Variants in DIP2C observed in about 807,000 individuals in gnomAD.
DIP2C encodes DIP2 acetate--CoA ligase C (putative), also known as disco-interacting protein 2 homolog C.
A neutral mutation model predicts 192.4 loss-of-function variants in DIP2C; 33 were observed. That is an observed-to-expected ratio of 0.17 (90% CI 0.13 to 0.23). The LOEUF (loss-of-function observed/expected upper bound fraction) is 0.23, where lower values mean the gene tolerates loss of function less well. DIP2C is among the 10% of genes least tolerant of loss of function. DIP2C has a pLI of 1.00. For synonymous variants in DIP2C, 979 were observed against 864.1 expected (o/e 1.13, Z -2.33); for missense variants, 1,537 against 2,110.1 (o/e 0.73, Z 5.32).
rs1325491447 is a variant in DIP2C, at chr10:363,368, C to T, written c.2478-57G>A. 8 of 1,491,318 alleles carry T rather than the reference C, an allele frequency of 5.4e-6. No homozygotes were observed. In the South Asian group the frequency reaches 9.2e-5, roughly 17 times the overall value. The allele number at this position is 1,491,318 out of a possible 1,614,324, so 92.4% of individuals were successfully genotyped here. A position where few individuals can be genotyped will look rare whatever the true frequency, so the allele number is the denominator to read the frequency against. On this transcript the variant is annotated intron_variant, in intron 20 of 36. Transcript: ENST00000280886. This position sits in a 1 kb window ranked among gnomAD's most constrained non-coding sequence, Gnocchi z 5.4. The stretch of plus-strand genomic sequence containing the variant: ...GCCGGGGACGCTCATGCAGCCCTCC[C>T]TCCGCCATCAGGGGCTCCATAACCA...
chr10:538,617 T>A (rs1847823094), intron 1 of DIP2C, among the ~76,000 whole-genome samples: 1 of 152,212 alleles, frequency 6.6e-6, no homozygotes, highest in South Asian at 2.1e-4. Flanking sequence ...GTTGTCAGCC[T>A]CTGGGTTTCA....
chr10:572,081 C>CT (rs1314233546), intron 1 of DIP2C, among the ~76,000 whole-genome samples: 7 of 152,246 alleles, frequency 4.6e-5, no homozygotes, highest in African/African-American at 9.6e-5. Flanking sequence ...GGAGACCCTT[C>CT]TCGGGATTGA....
intron 1 of DIP2C, among the ~76,000 whole-genome samples, chr10:503,802 C>A (rs1362746388): frequency 2.6e-5 from 4 of 152,176 alleles, no homozygotes; most frequent in African/African-American, 9.7e-5. Flanking sequence ...CCTCCTTTGT[C>A]CCCTATGGTT....
chr10:561,411 T>G (rs534220341), intron 1 of DIP2C, among the ~76,000 whole-genome samples: 2 of 152,254 alleles, frequency 1.3e-5, no homozygotes, highest in South Asian at 4.2e-4. Context: ...CTCTCCCATG[T>G]CCCAAGGCCT....
rs1040266786 is a variant in DIP2C, at chr10:288,287, A to G, written c.4044+77T>C. 3.5e-5 allele frequency: 48 copies of G among 1,355,600 alleles called. No individual in the cohort carries two copies. The African/African-American group carries it at 5.7e-4, about 16-fold the overall frequency. The allele number at this position is 1,355,600 out of a possible 1,614,324, so 84.0% of individuals were successfully genotyped here. A position where few individuals can be genotyped will look rare whatever the true frequency, so the allele number is the denominator to read the frequency against. On this transcript the variant is annotated intron_variant, in intron 33 of 36. Coordinates refer to ENST00000280886, the MANE Select transcript of DIP2C (RefSeq NM_014974.3). ...TTGGAAAAAACATTCTAAAAAATAC[A>G]TTTCCTAAAATTTCAAAGCCCATAC...
At chr10:304,418 C>T (rs536749526) in intron 32 of DIP2C, among the ~76,000 whole-genome samples, 44 of 152,248 alleles carry the variant, frequency 2.9e-4, no homozygotes, top group African/African-American at 7.0e-4. Context: ...AGCAAAGGGA[C>T]ACGAGCTCCA....
At chr10:422,657 A>G (rs902544432) in intron 5 of DIP2C, among the ~76,000 whole-genome samples, 167 bp downstream of exon 5, 2 of 152,212 alleles carry the variant, frequency 1.3e-5, no homozygotes, top group Non-Finnish European at 2.9e-5. Context: ...GGGCATGAGA[A>G]GTGTAAAGCA....
At chr10:470,781 C>A (rs1489144944) in intron 3 of DIP2C, among the ~76,000 whole-genome samples, 2 of 152,194 alleles carry the variant, frequency 1.3e-5, no homozygotes, top group Non-Finnish European at 2.9e-5. Flanking sequence ...CGAGGAGCGA[C>A]CCCGTGTGAT....
chr10:545,719 T>A (rs1310854430), intron 1 of DIP2C, among the ~76,000 whole-genome samples: 1 of 152,342 alleles, frequency 6.6e-6, no homozygotes, highest in East Asian at 1.9e-4. Flanking sequence ...CAGTATCGAC[T>A]CTTACACTGG....
intron 17 of DIP2C, among the ~76,000 whole-genome samples, chr10:374,336 A>C (rs2132822070): frequency 6.6e-6 from 1 of 152,334 alleles, no homozygotes; most frequent in South Asian, 2.1e-4. Flanking sequence ...CATACTTTGC[A>C]TTCCCACTAA....
At chr10:544,277 T>C (rs1257205598) in intron 1 of DIP2C, among the ~76,000 whole-genome samples, 2 of 152,272 alleles carry the variant, frequency 1.3e-5, no homozygotes, top group African/African-American at 2.4e-5. Flanking sequence ...ACATGTTCTT[T>C]TGTTCCTTTT....
chr10:488,666 T>C (rs905680772), intron 1 of DIP2C, among the ~76,000 whole-genome samples: 3 of 152,234 alleles, frequency 2.0e-5, no homozygotes, highest in South Asian at 2.1e-4. Flanking sequence ...AACGGGACTC[T>C]ACTTCCTGCT....
At chr10:561,098 G>T (rs1485347641) in intron 1 of DIP2C, among the ~76,000 whole-genome samples, 1 of 152,126 alleles carries the variant, frequency 6.6e-6, no homozygotes, top group Non-Finnish European at 1.5e-5. Flanking sequence ...TTTGATTGAT[G>T]TCTCATGTCT....
Position 476,416 on chromosome 10 carries a change from C to T in DIP2C, c.158-3867G>A, listed in dbSNP as rs1205629811. On this transcript the variant is annotated intron_variant, in intron 2 of 36. Coordinates refer to ENST00000280886, the MANE Select transcript of DIP2C (RefSeq NM_014974.3). ...TGTGAACTTTCCTAGGCTCAGCCTC[C>T]TGCCTCTGGACAGAAGCAGCAGTAG... 3.9e-5 allele frequency among the ~76,000 whole-genome samples: 6 copies of T among 152,332 alleles called. No individual in the cohort carries two copies. In the East Asian group the frequency reaches 1.2e-3, roughly 29 times the overall value.
At chr10:605,333 A>G (rs528302571) in intron 1 of DIP2C, among the ~76,000 whole-genome samples, 1 of 152,354 alleles carries the variant, frequency 6.6e-6, no homozygotes, top group South Asian at 2.1e-4. Context: ...TCTCAATTTC[A>G]TACAGATTCC....
rs374710722 is a variant in DIP2C at position 363,315 on chromosome 10, C to G, written c.2478-4G>C. The stretch of plus-strand genomic sequence containing the variant: ...GGTCACCGAGAACACGGCTATCCTG[C>G]GGGGACACAGGAGCATGGTGAGCAC... On this transcript the variant is annotated splice_region_variant and splice_polypyrimidine_tract_variant and intron_variant, in intron 20 of 36. Coordinates refer to ENST00000280886, the MANE Select transcript of DIP2C (RefSeq NM_014974.3). This position sits in a 1 kb window ranked among gnomAD's most constrained non-coding sequence, Gnocchi z 5.4. The G allele has an allele frequency of 2.2e-5, 35 of 1,609,778 alleles. No homozygotes were observed. Among genetic ancestry groups the G allele is most frequent in the Non-Finnish European group, 2.9e-5 (34 of 1,179,636 alleles).
At position 652,919 on chromosome 10, in the gene DIP2C, C is replaced by T. The variant is rs1040951834; in HGVS notation, c.85+36575G>A. Among the ~76,000 whole-genome samples, 12 of 152,010 alleles carry T rather than the reference C, an allele frequency of 7.9e-5. No individual in the cohort carries two copies. Among genetic ancestry groups the T allele is most frequent in the African/African-American group, 2.4e-4 (10 of 41,362 alleles). ...CCTTCCTCCCCGCCCACAGCTACCT[C>T]GCAGCAGCCACACACTGAGCCATAA... On this transcript the variant is annotated intron_variant, in intron 1 of 36. Coordinates refer to ENST00000280886, the MANE Select transcript of DIP2C (RefSeq NM_014974.3). The surrounding 1 kb of genome is among the most constrained non-coding windows in gnomAD (Gnocchi z 4.5).
rs946486870 is a variant in DIP2C, at chr10:510,235, C to T, written c.86-23705G>A. 2.6e-5 allele frequency among the ~76,000 whole-genome samples: 4 copies of T among 152,174 alleles called. No individual in the cohort carries two copies. The South Asian group carries it at 6.2e-4, about 24-fold the overall frequency. On this transcript the variant is annotated intron_variant, in intron 1 of 36. Transcript: ENST00000280886. ...ATCTATGTGGGGCAGTTGTTAGCCC[C>T]AGTTTAGAGATGAGGAAAATGCTGC...
intron 1 of DIP2C, among the ~76,000 whole-genome samples, chr10:507,504 G>A (rs1266423266): frequency 6.6e-6 from 1 of 151,474 alleles, no homozygotes; most frequent in Non-Finnish European, 1.5e-5. Flanking sequence ...AGAGGTGTGT[G>A]AGGTTAGGGA....
Sources: gnomAD v4.1 joint callset for allele counts (sites outside exome capture counted in the v4.1 genomes callset) on GRCh38, gnomAD v4.1.1 for gene constraint, Gnocchi (gnomAD v3.1) non-coding constraint, MANE v1.5 for transcripts, NCBI Gene and HGNC (gene_info 2026-07-23, HGNC 2026-07-21) for gene names.